The following TRPM2 variants were observed in gnomAD, a reference collection of about 807,000 sequenced individuals.
TRPM2 encodes estrogen-responsive element-associated gene 1 protein.
A neutral mutation model predicts 174.0 loss-of-function variants in TRPM2; 161 were observed. The ratio of observed to expected loss-of-function variants is 0.93; its 90% CI spans 0.81 to 1.05. The LOEUF is 1.05. Ranked by LOEUF, TRPM2 falls within the 50% of genes least tolerant of loss-of-function variation. The pLI is 0.00. For synonymous variants in TRPM2, 954 were observed against 861.3 expected (o/e 1.11, Z -1.88); for missense variants, 2,057 against 2,038.0 (o/e 1.01, Z -0.18).
chr21:44,418,521 C>G lies in TRPM2; in HGVS notation c.3427C>G (p.Arg1143Gly). ...GAACCGACAGTTCCAGCAAAAGCAG[C>G]GGCCCGAGCAGAAGATCGAGGACAT... ...LQNRQFQQKQRPEQKIEDISN... is the reference protein window; with the variant it reads ...LQNRQFQQKQGPEQKIEDISN... Residue 1143 changes from arginine (R) to glycine (G), a missense_variant, in exon 22 of 32, where the codon CGG (arginine) becomes GGG (glycine). Transcript: ENST00000397928. 1.2e-6 allele frequency: 2 copies of G among 1,614,102 alleles called. No homozygotes were observed. The highest frequency in any genetic ancestry group is 3.3e-5 in the Admixed American group (2 of 60,022).
In TRPM2 at chr21:44,366,101, C is replaced by T. The variant is rs972549729; in HGVS notation, c.424-653C>T. Among the ~76,000 whole-genome samples the T allele has an allele frequency of 5.9e-5, 9 of 152,192 alleles. No homozygotes were observed. Among genetic ancestry groups the T allele is most frequent in the Middle Eastern group, 3.2e-3 (1 of 316 alleles). ...CCCGCCTAGCGGAACAGGGAAAGTC[C>T]GCTGTGTACTTGGGAGGGTCTCCTG... On this transcript the variant is annotated intron_variant, in intron 3 of 31. Transcript: ENST00000397928. The surrounding 1 kb of genome is among the most constrained non-coding windows in gnomAD (Gnocchi z 6.0).
At chr21:44,422,324 G>T (rs1484314863) in intron 22 of TRPM2, 1 of 1,536,040 alleles carries the variant, frequency 6.5e-7, no homozygotes, top group Non-Finnish European at 8.7e-7. Flanking sequence ...AATCTAGACA[G>T]TTCCTGCATC....
At chr21:44,422,398 G>T (rs1210863344) in intron 22 of TRPM2, 1 of 1,536,036 alleles carries the variant, frequency 6.5e-7, no homozygotes, top group Non-Finnish European at 8.7e-7. Context: ...TGTTTGCAAG[G>T]CTGTCTGGGA....
intron 27 of TRPM2, among the ~76,000 whole-genome samples, chr21:44,431,252 TA>T (rs1240446055): frequency 6.6e-6 from 1 of 152,066 alleles, no homozygotes; most frequent in African/African-American, 2.4e-5. Context: ...TTTTATTTTT[TA>T]CTTTATGAAT....
rs997367917 is a variant in TRPM2 at position 44,411,465 on chromosome 21, CTTCT to C, written c.2963-2423_2963-2420del. On this transcript the variant is annotated intron_variant, in intron 19 of 31. Transcript: ENST00000397928. Reference sequence around the variant, plus strand: ...TCTTGAACTCTGAAACCTTGCTAAACTTCTTTATTACTTTTAATAGTTTTTTAGT... The same window carrying C: ...TCTTGAACTCTGAAACCTTGCTAAACTTATTACTTTTAATAGTTTTTTAGT... Among the ~76,000 whole-genome samples, 206 of 152,212 alleles carry C rather than the reference CTTCT, an allele frequency of 1.4e-3. 2 individuals carry two copies. The highest frequency in any genetic ancestry group is 4.7e-3 in the African/African-American group (197 of 41,544).
Position 44,377,789 on chromosome 21 carries a change from T to C in TRPM2, c.1014+16T>C, listed in dbSNP as rs1385196482. On this transcript the variant is annotated intron_variant, in intron 7 of 31. Transcript: ENST00000397928. ...CACGTTGCACGTGAGTATGGCCAGGTGGGAGGGGGCATGTGTGGGCCCGTC... is the reference window on the plus strand; with the variant it reads ...CACGTTGCACGTGAGTATGGCCAGGCGGGAGGGGGCATGTGTGGGCCCGTC... The C allele has an allele frequency of 6.2e-7, 1 of 1,613,594 alleles. No homozygotes were observed. Among genetic ancestry groups the C allele is most frequent in the Non-Finnish European group, 8.5e-7 (1 of 1,179,920 alleles).
chr21:44,439,070 T>A lies in TRPM2; in HGVS notation c.4171T>A (p.Ser1391Thr). The A allele has an allele frequency of 6.2e-7, 1 of 1,612,412 alleles. No homozygotes were observed. Among genetic ancestry groups the A allele is most frequent in the Non-Finnish European group, 8.5e-7 (1 of 1,179,438 alleles). Residue 1391 changes from serine to threonine, a missense_variant, in exon 30 of 32, where the codon TCC becomes ACC. Physicochemically the swap from Ser to Thr is moderately conservative, Grantham distance 58 (BLOSUM62 1). Coordinates refer to ENST00000397928, the MANE Select transcript of TRPM2 (RefSeq NM_003307.4). The surrounding 1 kb of genome is among the most constrained non-coding windows in gnomAD (Gnocchi z 5.1). ...CCTCCGTCCTCTGTCTGTCCAGGGCTCCCGGGAGCCAGGGGAGATGCTACC... is the reference window on the plus strand; with the variant it reads ...CCTCCGTCCTCTGTCTGTCCAGGGCACCCGGGAGCCAGGGGAGATGCTACC... Reference protein sequence around the residue: ...LSEHWALPGGSREPGEMLPRK... With the variant: ...LSEHWALPGGTREPGEMLPRK...
chr21:44,375,966 G>C lies in TRPM2; in HGVS notation c.905G>C (p.Arg302Thr). ...CAGTACGGGGTGGAGATTCCTCTGAGGACCAGGCTGGAGAAGTTCATATCG... is the reference window on the plus strand; with the variant it reads ...CAGTACGGGGTGGAGATTCCTCTGACGACCAGGCTGGAGAAGTTCATATCG... ...HGQYGVEIPLRTRLEKFISEQ... is the reference protein window; with the variant it reads ...HGQYGVEIPLTTRLEKFISEQ... Residue 302 changes from arginine to threonine, a missense_variant, in exon 6 of 32, where the codon AGG (arginine) becomes ACG (threonine). By Grantham distance (71) the Arg-to-Thr change is moderately conservative (BLOSUM62 -1). Transcript: ENST00000397928. 2 of 1,614,048 alleles carry C rather than the reference G, an allele frequency of 1.2e-6. No individual in the cohort carries two copies. The highest frequency in any genetic ancestry group is 1.7e-6 in the Non-Finnish European group (2 of 1,179,990).
chr21:44,403,736 T>C (rs2049725975), intron 16 of TRPM2, among the ~76,000 whole-genome samples: 1 of 147,508 alleles, frequency 6.8e-6, no homozygotes, highest in African/African-American at 2.5e-5. Flanking sequence ...CACACATACA[T>C]GCATATAGAG....
intron 25 of TRPM2, 58 bp from the exon 26 acceptor site, chr21:44,426,602 T>G: frequency 6.3e-7 from 1 of 1,577,432 alleles, no homozygotes; most frequent in Non-Finnish European, 8.7e-7. Context: ...CCCTGGTGCC[T>G]GGCCCAGCTT....
Position 44,399,371 on chromosome 21 carries a change from G to A in TRPM2, c.2138G>A (p.Gly713Glu). 6.2e-7 allele frequency: 1 copy of A among 1,612,844 alleles called. No homozygotes were observed. Among genetic ancestry groups the A allele is most frequent in the South Asian group, 1.1e-5 (1 of 91,082 alleles). The change falls in exon 14 of 32, where the codon GGG (glycine) becomes GAG (glutamate). Residue 713 changes from glycine (G) to glutamate (E), a missense_variant. Gly to Glu is a moderately conservative substitution (Grantham distance 98, BLOSUM62 -2). Transcript: ENST00000397928. The surrounding 1 kb of genome is among the most constrained non-coding windows in gnomAD (Gnocchi z 4.6). ...KLLTRVSEAW[G>E]KTTCLQLALE... ...CTCACCCGCGTGTCCGAGGCCTGGGGGAAGACCACCTGCCTGCAGCTCGCC... is the reference window on the plus strand; with the variant it reads ...CTCACCCGCGTGTCCGAGGCCTGGGAGAAGACCACCTGCCTGCAGCTCGCC...
At chr21:44,405,516 C>T (rs1291256300) in intron 17 of TRPM2, among the ~76,000 whole-genome samples, 1 of 152,186 alleles carries the variant, frequency 6.6e-6, no homozygotes, top group Non-Finnish European at 1.5e-5. Context: ...AGATGGCAAC[C>T]TCTGGAATTG....
intron 2 of TRPM2, among the ~76,000 whole-genome samples, chr21:44,358,912 A>G (rs1435686241): frequency 6.6e-6 from 1 of 152,022 alleles, no homozygotes; most frequent in Admixed American, 6.6e-5. Flanking sequence ...AGCAAGATAT[A>G]TTGTGAAGAG....
chr21:44,354,003 T>C lies in TRPM2; in HGVS notation c.165+138T>C. 9.6e-7 allele frequency: 1 copy of C among 1,045,670 alleles called. No individual in the cohort carries two copies. Among genetic ancestry groups the C allele is most frequent in the African/African-American group, 1.7e-5 (1 of 59,492 alleles). 64.8% of individuals were successfully genotyped at this position (1,045,670 alleles called of 1,614,324 possible). A position where few individuals can be genotyped will look rare whatever the true frequency, so the allele number is the denominator to read the frequency against. On this transcript the variant is annotated intron_variant, in intron 1 of 31. Coordinates refer to ENST00000397928, the MANE Select transcript of TRPM2 (RefSeq NM_003307.4). The surrounding 1 kb of genome is among the most constrained non-coding windows in gnomAD (Gnocchi z 4.3). ...GGGGGCTCCTGCCCAACCATACCTT[T>C]GGGAGAACAGAACTGGGGAGGGTGA...
At chr21:44,400,169 A>G in intron 14 of TRPM2, 90 bp from the exon 15 acceptor site, 2 of 1,073,384 alleles carry the variant, frequency 1.9e-6, no homozygotes, top group Admixed American at 2.0e-5. Context: ...TCTGTCCACT[A>G]GGCACCCCGA....
At position 44,438,246 on chromosome 21, in the gene TRPM2, C is replaced by T. The variant is rs913662640; in HGVS notation, c.4168-821C>T. Among the ~76,000 whole-genome samples, 18 of 152,226 alleles carry T rather than the reference C, an allele frequency of 1.2e-4. No individual in the cohort carries two copies. Among genetic ancestry groups the T allele is most frequent in the African/African-American group, 4.3e-4 (18 of 41,460 alleles). ...CTGCGCTCACCCAGTAGCTTCTCTGCCTGTGCACACCTGGCCCTGGAACAC... is the reference window on the plus strand; with the variant it reads ...CTGCGCTCACCCAGTAGCTTCTCTGTCTGTGCACACCTGGCCCTGGAACAC... On this transcript the variant is annotated intron_variant, in intron 29 of 31. Coordinates refer to ENST00000397928, the MANE Select transcript of TRPM2 (RefSeq NM_003307.4). This position sits in a 1 kb window ranked among gnomAD's most constrained non-coding sequence, Gnocchi z 5.9.
intron 19 of TRPM2, among the ~76,000 whole-genome samples, chr21:44,409,286 G>A (rs943538661): frequency 1.3e-5 from 2 of 152,134 alleles, no homozygotes; most frequent in Non-Finnish European, 2.9e-5. Flanking sequence ...GTGCGGTAAG[G>A]GTCAGTCTTC....
At chr21:44,427,250 A>C in intron 27 of TRPM2, 139 bp downstream of exon 27, 1 of 738,896 alleles carries the variant, frequency 1.4e-6, no homozygotes, top group Non-Finnish European at 2.2e-6. Context: ...AAGGAAGAAA[A>C]CATCAACTCA....
chr21:44,353,813 G>A lies in TRPM2; in HGVS notation c.113G>A (p.Ser38Asn). 6.2e-7 allele frequency: 1 copy of A among 1,600,316 alleles called. No individual in the cohort carries two copies. The highest frequency in any genetic ancestry group is 8.5e-7 in the Non-Finnish European group (1 of 1,174,220). Reference sequence around the variant, plus strand: ...GTCTCCAATCTCCGGCGCAGCAACAGCAGCCTCTTCAAGAGCTGGAGGCTA... The same window carrying A: ...GTCTCCAATCTCCGGCGCAGCAACAACAGCCTCTTCAAGAGCTGGAGGCTA... ...GMVSNLRRSNSSLFKSWRLQC... is the reference protein window; with the variant it reads ...GMVSNLRRSNNSLFKSWRLQC... Residue 38 changes from serine (S) to asparagine (N), a missense_variant, in exon 1 of 32, where the codon AGC becomes AAC. Physicochemically the swap from Ser to Asn is conservative, Grantham distance 46. Coordinates refer to ENST00000397928, the MANE Select transcript of TRPM2 (RefSeq NM_003307.4).
Sources: gnomAD v4.1 joint callset for allele counts (sites outside exome capture counted in the v4.1 genomes callset) on GRCh38, gnomAD v4.1.1 for gene constraint, Gnocchi (gnomAD v3.1) non-coding constraint, MANE v1.5 for transcripts, NCBI Gene and HGNC (gene_info 2026-07-23, HGNC 2026-07-21) for gene names.